STX8: variants seen among roughly 807,000 people sequenced by gnomAD.
STX8 encodes the protein syntaxin 8.
A neutral mutation model predicts 37.5 loss-of-function variants in STX8; 23 were observed. That is an observed-to-expected ratio of 0.61 (90% CI 0.44 to 0.87). The LOEUF (loss-of-function observed/expected upper bound fraction) is 0.87, where lower values mean the gene tolerates loss of function less well. Among genes scored for constraint, STX8 ranks in the 40% least tolerant of loss-of-function variants. The pLI, the probability that STX8 is intolerant of heterozygous loss-of-function variation, is 0.00. For missense variants in STX8, 313 were observed against 284.7 expected, an observed-to-expected ratio of 1.10 and a Z score of -0.71; for synonymous variants, 115 against 99.1, an observed-to-expected ratio of 1.16 and a Z score of -0.95.
chr17:9,524,783 T>TTTGTTTTTG (rs1555534109), intron 4 of STX8, among the ~76,000 whole-genome samples: 1 of 150,010 alleles, frequency 6.7e-6, no homozygotes. Flanking sequence ...TTTGTTTTGT[T>TTTGTTTTTG]TTTGTTTGTT....
At chr17:9,541,997 CATTTGT>C (rs1320991711) in intron 4 of STX8, among the ~76,000 whole-genome samples, 1 of 136,670 alleles carries the variant, frequency 7.3e-6, no homozygotes, top group Non-Finnish European at 1.6e-5. Flanking sequence ...ATGGTCTAAA[CATTTGT>C]ATTTTTTTTT....
chr17:9,491,699 G>T, intron 6 of STX8, 130 bp downstream of exon 6: 1 of 766,976 alleles, frequency 1.3e-6, no homozygotes, highest in Non-Finnish European at 2.1e-6. Context: ...ACTCCAATGC[G>T]TTAAACTGTA....
intron 4 of STX8, among the ~76,000 whole-genome samples, chr17:9,517,678 G>A (rs1489488351): frequency 1.3e-5 from 2 of 150,924 alleles, no homozygotes; most frequent in African/African-American, 2.4e-5. Context: ...AGGAGGTTGA[G>A]CACAGTAGTT....
chr17:9,494,830 T>C (rs922947590), intron 5 of STX8, among the ~76,000 whole-genome samples: 7 of 152,114 alleles, frequency 4.6e-5, no homozygotes, highest in African/African-American at 9.7e-5. Context: ...GGGGTCTCGG[T>C]CATGTCTTTG....
chr17:9,484,634 G>GCCAA (rs1309564326), intron 6 of STX8, among the ~76,000 whole-genome samples: 1 of 147,640 alleles, frequency 6.8e-6, no homozygotes, highest in Non-Finnish European at 1.5e-5. Context: ...TGGGCAACAT[G>GCCAA]GTGAAACCCT....
chr17:9,418,957 CCT>C (rs151121871), intron 6 of STX8, among the ~76,000 whole-genome samples: 44,521 of 143,236 alleles, frequency 0.31, 8,468 homozygotes, highest in East Asian at 0.61. Context: ...GGGCTCTCTC[CCT>C]GTCACCCAGG....
intron 7 of STX8, among the ~76,000 whole-genome samples, chr17:9,277,943 A>G (rs1907732451): frequency 6.6e-6 from 1 of 152,282 alleles, no homozygotes; most frequent in South Asian, 2.1e-4. Context: ...TATCCTAAGT[A>G]CAAGGGAAGC....
intron 4 of STX8, among the ~76,000 whole-genome samples, chr17:9,523,120 G>A (rs559600679): frequency 6.6e-6 from 1 of 151,986 alleles, no homozygotes; most frequent in Non-Finnish European, 1.5e-5. Flanking sequence ...AGACCATCCT[G>A]GCTAACACAG....
intron 6 of STX8, among the ~76,000 whole-genome samples, chr17:9,478,510 A>C (rs1906188519): frequency 6.6e-6 from 1 of 152,220 alleles, no homozygotes; most frequent in African/African-American, 2.4e-5. Flanking sequence ...ATTAGCATGG[A>C]GCCCTAGTCC....
chr17:9,307,983 G>C (rs1024984427), intron 7 of STX8, among the ~76,000 whole-genome samples: 2 of 152,214 alleles, frequency 1.3e-5, no homozygotes, highest in East Asian at 3.8e-4. Context: ...GCTACACAGA[G>C]AGGCCAAGAA....
intron 7 of STX8, among the ~76,000 whole-genome samples, chr17:9,358,364 G>A (rs915439019): frequency 1.3e-5 from 2 of 149,306 alleles, no homozygotes; most frequent in Non-Finnish European, 3.0e-5. Flanking sequence ...TAAACAGAAG[G>A]GAAAAAAAGG....
At chr17:9,259,425 C>G (rs1027155415) in intron 7 of STX8, among the ~76,000 whole-genome samples, 1 of 152,198 alleles carries the variant, frequency 6.6e-6, no homozygotes, top group Admixed American at 6.5e-5. Flanking sequence ...AATCAAATGT[C>G]ACTCTCTCCA....
intron 6 of STX8, among the ~76,000 whole-genome samples, chr17:9,402,537 C>T (rs1466914929): frequency 2.0e-5 from 3 of 152,258 alleles, no homozygotes; most frequent in South Asian, 2.1e-4. Context: ...ACACATAATA[C>T]AGTGCAACAA....
intron 4 of STX8, among the ~76,000 whole-genome samples, chr17:9,533,591 T>C (rs545640335): frequency 1.3e-5 from 2 of 152,234 alleles, no homozygotes; most frequent in South Asian, 2.1e-4. Flanking sequence ...CTTAAAGTAA[T>C]GACTAAGGTT....
chr17:9,562,204 T>C (rs1042372936), intron 2 of STX8, among the ~76,000 whole-genome samples: 7 of 150,350 alleles, frequency 4.7e-5, no homozygotes, highest in Non-Finnish European at 5.9e-5. Flanking sequence ...GAGATCGAGA[T>C]CATCCTGGCT....
intron 1 of STX8, 109 bp from the exon 2 acceptor site, chr17:9,568,579 C>A: frequency 1.3e-6 from 1 of 795,248 alleles, no homozygotes; most frequent in Non-Finnish European, 2.0e-6. Context: ...CAGCTCACTG[C>A]AAGCTCTGCC....
At chr17:9,285,613 G>A (rs1056197788) in intron 7 of STX8, among the ~76,000 whole-genome samples, 2 of 152,134 alleles carry the variant, frequency 1.3e-5, no homozygotes, top group African/African-American at 4.8e-5. Context: ...GGGGCAGATC[G>A]AGGGTGCCTA....
intron 6 of STX8, among the ~76,000 whole-genome samples, chr17:9,447,868 T>C (rs1056521237): frequency 6.6e-6 from 1 of 152,162 alleles, no homozygotes; most frequent in African/African-American, 2.4e-5. Flanking sequence ...ACTAAGTTTA[T>C]GCATTTTCTA....
intron 4 of STX8, among the ~76,000 whole-genome samples, chr17:9,542,861 G>T (rs79439050): frequency 0.035 from 5,395 of 152,152 alleles, 346 homozygotes; most frequent in African/African-American, 0.12. Context: ...AGGTGATGCT[G>T]ATGCTGCTTA....
Sources: gnomAD v4.1 joint callset for allele counts (sites outside exome capture counted in the v4.1 genomes callset) on GRCh38, gnomAD v4.1.1 for gene constraint, MANE v1.5 for transcripts, NCBI Gene and HGNC (gene_info 2026-07-23, HGNC 2026-07-21) for gene names.